MYO18A: variants seen among roughly 807,000 people sequenced by gnomAD.
MYO18A encodes the protein myosin XVIIIA, also known as unconventional myosin-XVIIIa.
MYO18A carries 78 observed loss-of-function variants against 235.8 expected under a neutral mutation model. That is an observed-to-expected ratio of 0.33 (90% confidence interval 0.28 to 0.40). MYO18A has a LOEUF of 0.40. Ranked by LOEUF, MYO18A falls within the 10% of genes least tolerant of loss-of-function variation. The pLI, the probability that MYO18A is intolerant of heterozygous loss-of-function variation, is 1.00. For missense variants in MYO18A, 2,215 were observed against 2,699.3 expected (o/e 0.82, Z 3.98); for synonymous variants, 977 against 1,077.8 (o/e 0.91, Z 1.83).
chr17:29,094,956 T>C lies in MYO18A; in HGVS notation c.4489A>G (p.Ser1497Gly), dbSNP rs1224797787. The change falls in exon 29 of 42, where the codon AGC becomes GGC. Residue 1497 changes from serine (S) to glycine (G), a missense_variant. By Grantham distance (56) the Ser-to-Gly change is moderately conservative (BLOSUM62 0). Transcript: ENST00000527372. ...CCCACCTCTAGTTGCTGCTTCAGGC[T>C]GAAAGCCTCAGCGAGGAGCATGTCC... The part of the protein sequence containing the change: ...EKDMLLAEAF[S>G]LKQQLEEKDM... The C allele has an allele frequency of 6.2e-7, 1 of 1,609,700 alleles. No homozygotes were observed. Among genetic ancestry groups the C allele is most frequent in the Admixed American group, 1.7e-5 (1 of 59,632 alleles).
In MYO18A at chr17:29,118,745, TCA is replaced by T. The variant is rs1255009222; in HGVS notation, c.1830-307_1830-306del. 3.9e-5 allele frequency among the ~76,000 whole-genome samples: 6 copies of T among 152,192 alleles called. No homozygotes were observed. The highest frequency in any genetic ancestry group is 1.4e-4 in the African/African-American group (6 of 41,436). On this transcript the variant is annotated intron_variant, in intron 8 of 41. Transcript: ENST00000527372. The surrounding 1 kb of genome is among the most constrained non-coding windows in gnomAD (Gnocchi z 4.2). ...TCCCGCCAAGGCAGAGACGATGCCC[TCA>T]GTTACAAGAAGGGCTAAAGAGGACA...
intron 21 of MYO18A, among the ~76,000 whole-genome samples, chr17:29,101,692 C>T (rs1321993022): frequency 1.3e-5 from 2 of 152,198 alleles, no homozygotes; most frequent in Non-Finnish European, 2.9e-5. Flanking sequence ...GGACAGCAAA[C>T]ACGCTTGGTT....
intron 34 of MYO18A, 42 bp from the exon 35 acceptor site, chr17:29,090,968 T>C (rs1439956248): frequency 6.5e-7 from 1 of 1,544,486 alleles, no homozygotes; most frequent in Non-Finnish European, 8.9e-7. Context: ...TCAGGCCCAG[T>C]GTGCCTGTGG....
At chr17:29,076,793 G>T (rs1245953196) in intron 41 of MYO18A, 1 of 152,362 alleles carries the variant, frequency 6.6e-6, no homozygotes, top group South Asian at 2.1e-4. Context: ...GGCACTCAGG[G>T]CTAGGATCTG....
chr17:29,131,310 C>T, intron 2 of MYO18A: 4 of 845,822 alleles, frequency 4.7e-6, no homozygotes, highest in Non-Finnish European at 5.7e-6. Flanking sequence ...CACGCACACA[C>T]ACATGCACGC....
intron 14 of MYO18A, 109 bp downstream of exon 14, chr17:29,114,795 CAGG>C (rs1380852111): frequency 1.7e-6 from 2 of 1,177,654 alleles, no homozygotes; most frequent in Non-Finnish European, 1.2e-6. Flanking sequence ...CCAGAGAGCG[CAGG>C]AGGACAGAAA....
rs1007434441 is a variant in MYO18A, at chr17:29,166,692, G to A, written c.249C>T (p.Ser83=). 2.5e-5 allele frequency: 41 copies of A among 1,613,624 alleles called. No individual in the cohort carries two copies. The highest frequency in any genetic ancestry group is 3.5e-5 in the Non-Finnish European group (41 of 1,179,860). The change falls in exon 2 of 42, where the codon TCC becomes TCT. Residue 83 remains serine (S), a synonymous_variant. Coordinates refer to ENST00000527372, the MANE Select transcript of MYO18A (RefSeq NM_078471.4). Reference sequence around the variant, plus strand: ...GGATGACGCTGCCCCGGTTACTATCGGAGTCAATGTCAGTCAGGTGCAGGT... The same window carrying A: ...GGATGACGCTGCCCCGGTTACTATCAGAGTCAATGTCAGTCAGGTGCAGGT... ...GSDLHLTDID[S]DSNRGSVILD...
At chr17:29,164,092 G>T (rs2068230373) in intron 2 of MYO18A, among the ~76,000 whole-genome samples, 1 of 152,146 alleles carries the variant, frequency 6.6e-6, no homozygotes, top group South Asian at 2.1e-4. Context: ...GTTTCTTCCT[G>T]TTGGTCAGGC....
intron 41 of MYO18A, chr17:29,081,008 G>A: frequency 1.0e-6 from 1 of 985,494 alleles, no homozygotes; most frequent in Non-Finnish European, 1.2e-6. Flanking sequence ...AGGCTGTTGA[G>A]GGCCGTTCCG....
At position 29,121,220 on chromosome 17, in the gene MYO18A, G is replaced by T; in HGVS notation, c.1372-9C>A. ...TTGAACATGTGCATCACCTTGGGCA[G>T]GAGAGCAAGGGAGAGAAGGGGTTGG... On this transcript the variant is annotated splice_polypyrimidine_tract_variant and intron_variant, in intron 5 of 41. Coordinates refer to ENST00000527372, the MANE Select transcript of MYO18A (RefSeq NM_078471.4). The surrounding 1 kb of genome is among the most constrained non-coding windows in gnomAD (Gnocchi z 4.2). 6.3e-7 allele frequency: 1 copy of T among 1,591,450 alleles called. No individual in the cohort carries two copies. The highest frequency in any genetic ancestry group is 8.6e-7 in the Non-Finnish European group (1 of 1,168,744).
rs146692760 is a variant in MYO18A, at chr17:29,160,497, T to G, written c.999+5445A>C. On this transcript the variant is annotated intron_variant, in intron 2 of 41. Transcript: ENST00000527372. The stretch of plus-strand genomic sequence containing the variant: ...TTTCTTTACTTAGGTCTATGCTTCC[T>G]CAAGGAAAGATTATATTTTGTTTAT... Among the ~76,000 whole-genome samples, 3 of 152,348 alleles carry G rather than the reference T, an allele frequency of 2.0e-5. No individual in the cohort carries two copies. In the East Asian group the frequency reaches 5.8e-4, roughly 29 times the overall value.
intron 34 of MYO18A, chr17:29,091,213 G>A (rs2152755591): frequency 7.3e-6 from 3 of 410,656 alleles, no homozygotes; most frequent in South Asian, 5.4e-5. Context: ...GAAAAGGTCT[G>A]CCCAGAACAA....
chr17:29,171,724 G>A (rs966699489), intron 1 of MYO18A, among the ~76,000 whole-genome samples: 1 of 152,008 alleles, frequency 6.6e-6, no homozygotes, highest in Admixed American at 6.6e-5. Context: ...GCAAAGCCCT[G>A]TCTCTACTCA....
rs2068108627 is a variant in MYO18A, at chr17:29,158,584, G to T, written c.999+7358C>A. On this transcript the variant is annotated intron_variant, in intron 2 of 41. Coordinates refer to ENST00000527372, the MANE Select transcript of MYO18A (RefSeq NM_078471.4). The surrounding 1 kb of genome is among the most constrained non-coding windows in gnomAD (Gnocchi z 4.3). ...GGGCACAACCATACCCGCTGCCCAGGACTGACAATGGAGGCGCCAGGCTGC... is the reference window on the plus strand; with the variant it reads ...GGGCACAACCATACCCGCTGCCCAGTACTGACAATGGAGGCGCCAGGCTGC... Among the ~76,000 whole-genome samples, 2 of 152,166 alleles carry T rather than the reference G, an allele frequency of 1.3e-5. No individual in the cohort carries two copies. Among genetic ancestry groups the T allele is most frequent in the African/African-American group, 4.8e-5 (2 of 41,444 alleles).
In MYO18A at chr17:29,074,776, G is replaced by A. The variant is rs765339288; in HGVS notation, c.6159C>T (p.Asn2053=). The change falls in exon 42 of 42, where the codon AAC becomes AAT. Residue 2053 remains asparagine (N), a synonymous_variant. Transcript: ENST00000527372. This position sits in a 1 kb window ranked among gnomAD's most constrained non-coding sequence, Gnocchi z 4.4. ...TGCCAACCACTCCCCTGGGCTATGCGTTAGTCTCCGTCAGCTTGGCCTCTG... is the reference window on the plus strand; with the variant it reads ...TGCCAACCACTCCCCTGGGCTATGCATTAGTCTCCGTCAGCTTGGCCTCTG... ...SDTEAKLTET[N]A The A allele has an allele frequency of 5.3e-5, 86 of 1,613,870 alleles. 1 individual carries two copies. In the South Asian group the frequency reaches 6.6e-4, roughly 12 times the overall value.
chr17:29,090,155 G>A, intron 36 of MYO18A, 57 bp from the exon 37 acceptor site: 1 of 1,562,370 alleles, frequency 6.4e-7, no homozygotes, highest in East Asian at 2.3e-5. Context: ...GGAGGAGACT[G>A]CGTCTGGGGC....
In MYO18A at chr17:29,073,680, C is replaced by T. The variant is rs2065913512; in HGVS notation, c.*1090G>A. On this transcript the variant is annotated 3_prime_UTR_variant, in exon 42 of 42. Coordinates refer to ENST00000527372, the MANE Select transcript of MYO18A (RefSeq NM_078471.4). Reference sequence around the variant, plus strand: ...AGTCTGGTGGAGTTCTCAGGGATAACCTTTTTAGGGTGGGGGCTGGGACCT... The same window carrying T: ...AGTCTGGTGGAGTTCTCAGGGATAATCTTTTTAGGGTGGGGGCTGGGACCT... 1.4e-6 allele frequency: 1 copy of T among 705,736 alleles called. No homozygotes were observed. The highest frequency in any genetic ancestry group is 2.6e-5 in the East Asian group (1 of 38,306). The allele number at this position is 705,736 out of a possible 1,614,324, so 43.7% of individuals were successfully genotyped here.
At chr17:29,134,941 G>A (rs1181584304) in intron 2 of MYO18A, among the ~76,000 whole-genome samples, 2 of 152,112 alleles carry the variant, frequency 1.3e-5, no homozygotes, top group Admixed American at 6.5e-5. Flanking sequence ...ACACAATTAC[G>A]TGGGGCAAGA....
intron 2 of MYO18A, chr17:29,133,814 G>A: frequency 7.8e-7 from 1 of 1,289,334 alleles, no homozygotes; most frequent in South Asian, 1.2e-5. Context: ...CTCCCAGAAG[G>A]CGAACCTTGA....
Sources: allele counts gnomAD v4.1 joint callset (sites outside exome capture counted in the v4.1 genomes callset), GRCh38; gene constraint gnomAD v4.1.1; non-coding constraint Gnocchi (gnomAD v3.1); transcripts MANE v1.5; gene names NCBI Gene and HGNC (gene_info 2026-07-23, HGNC 2026-07-21).